LIPA: variants seen among roughly 807,000 people sequenced by gnomAD.
The protein encoded by LIPA is lysosomal acid lipase/cholesteryl ester hydrolase.
A neutral mutation model predicts 40.6 loss-of-function variants in LIPA; 26 were observed. The ratio of observed to expected loss-of-function variants is 0.64; its 90% CI spans 0.47 to 0.89. LIPA has a LOEUF of 0.89. LIPA is among the 40% of genes least tolerant of loss of function. The pLI is 0.00. For missense variants in LIPA, 455 were observed against 479.6 expected, an observed-to-expected ratio of 0.95 and a Z score of 0.48; for synonymous variants, 188 against 168.4, an observed-to-expected ratio of 1.12 and a Z score of -0.90.
chr10:89,321,770 G>A (rs919827101), intron 1 of LIPA, among the ~76,000 whole-genome samples: 19 of 152,104 alleles, frequency 1.2e-4, no homozygotes, highest in Admixed American at 1.2e-3. Flanking sequence ...ACATGTACAC[G>A]TATGTTTATT....
intron 1 of LIPA, among the ~76,000 whole-genome samples, chr10:89,413,551 G>T (rs1019918320): frequency 2.6e-5 from 4 of 152,096 alleles, no homozygotes; most frequent in African/African-American, 9.7e-5. Flanking sequence ...AAAAATATTT[G>T]TGCCCAGGTG....
At chr10:89,318,543 G>C (rs1223718239) in intron 1 of LIPA, among the ~76,000 whole-genome samples, 3 of 152,112 alleles carry the variant, frequency 2.0e-5, no homozygotes, top group Non-Finnish European at 1.5e-5. Context: ...CCCAACACAG[G>C]AGCACCCAGG....
chr10:89,278,025 A>C (rs1171605823), intron 1 of LIPA: 1 of 152,036 alleles, frequency 6.6e-6, no homozygotes, highest in African/African-American at 2.4e-5. Context: ...CCCTCATACA[A>C]TCCTGCCTTT....
chr10:89,332,633 T>C (rs1843667166), intron 1 of LIPA: 1 of 1,613,818 alleles, frequency 6.2e-7, no homozygotes, highest in Non-Finnish European at 8.5e-7. Context: ...ATGAGGTAAA[T>C]AGTCCCTGCT....
intron 1 of LIPA, among the ~76,000 whole-genome samples, chr10:89,314,931 C>A (rs1843534332): frequency 6.6e-6 from 1 of 152,212 alleles, no homozygotes; most frequent in Non-Finnish European, 1.5e-5. Flanking sequence ...TTGCTACAAT[C>A]CTCTCTGAAC....
At chr10:89,240,433 G>A (rs1248984356) in intron 3 of LIPA, among the ~76,000 whole-genome samples, 1 of 152,138 alleles carries the variant, frequency 6.6e-6, no homozygotes, top group African/African-American at 2.4e-5. Context: ...GACACGGTGA[G>A]ACTTTTAAAA....
intron 2 of LIPA, among the ~76,000 whole-genome samples, chr10:89,380,985 C>A (rs1317448619): frequency 1.3e-5 from 2 of 152,146 alleles, no homozygotes. Context: ...GTAAATTGTG[C>A]ACTTGAAATT....
At chr10:89,381,151 T>A (rs915493011) in intron 2 of LIPA, among the ~76,000 whole-genome samples, 1 of 152,166 alleles carries the variant, frequency 6.6e-6, no homozygotes, top group African/African-American at 2.4e-5. Flanking sequence ...GGGTACATAT[T>A]TAGAAAGCTT....
chr10:89,243,688 G>A (rs1361520206), intron 3 of LIPA, among the ~76,000 whole-genome samples: 2 of 152,058 alleles, frequency 1.3e-5, no homozygotes, highest in Non-Finnish European at 2.9e-5. Context: ...TTACCTGGGA[G>A]CATATCAAGA....
At chr10:89,322,264 A>G (rs1214809874) in intron 1 of LIPA, among the ~76,000 whole-genome samples, 1 of 152,142 alleles carries the variant, frequency 6.6e-6, no homozygotes, top group East Asian at 1.9e-4. Context: ...GGTAAACTAG[A>G]AGCAACTCAT....
intron 2 of LIPA, chr10:89,405,951 T>G (rs1016019527): frequency 6.6e-6 from 1 of 152,218 alleles, no homozygotes; most frequent in Non-Finnish European, 1.5e-5. Context: ...AATTTTGGGC[T>G]TCCAATCCAT....
chr10:89,309,968 T>C (rs1280170829), intron 1 of LIPA, among the ~76,000 whole-genome samples: 1 of 152,232 alleles, frequency 6.6e-6, no homozygotes, highest in Non-Finnish European at 1.5e-5. Context: ...AACCCGTTTA[T>C]CAGAGTTATC....
At chr10:89,297,996 G>C (rs1045709636) in intron 1 of LIPA, among the ~76,000 whole-genome samples, 2 of 152,222 alleles carry the variant, frequency 1.3e-5, no homozygotes, top group African/African-American at 4.8e-5. Context: ...GAGAATGAAA[G>C]AGCCTGAGAG....
At chr10:89,390,135 T>C (rs1199298238) in intron 2 of LIPA, among the ~76,000 whole-genome samples, 1 of 151,922 alleles carries the variant, frequency 6.6e-6, no homozygotes, top group Non-Finnish European at 1.5e-5. Flanking sequence ...TACAGGCATG[T>C]GCCACCACGC....
chr10:89,365,990 A>C (rs535513880), intron 2 of LIPA, among the ~76,000 whole-genome samples: 1 of 152,312 alleles, frequency 6.6e-6, no homozygotes, highest in South Asian at 2.1e-4. Context: ...CTGTGAAGAA[A>C]GTCATTGGTA....
At chr10:89,382,021 C>T (rs894024829) in intron 2 of LIPA, among the ~76,000 whole-genome samples, 5 of 152,094 alleles carry the variant, frequency 3.3e-5, no homozygotes, top group African/African-American at 7.2e-5. Flanking sequence ...CTGCCTACCT[C>T]GGCCTCCCAA....
chr10:89,266,640 ACT>A (rs1390530471), intron 1 of LIPA, among the ~76,000 whole-genome samples: 1 of 152,204 alleles, frequency 6.6e-6, no homozygotes. Flanking sequence ...CTCAATCTGT[ACT>A]TTGTGTTATC....
intron 6 of LIPA, among the ~76,000 whole-genome samples, chr10:89,224,801 T>A (rs1181623921): frequency 6.6e-6 from 1 of 152,174 alleles, no homozygotes; most frequent in Admixed American, 6.5e-5. Context: ...ACTCCACAAA[T>A]GCTTAAATTA....
intron 1 of LIPA, among the ~76,000 whole-genome samples, chr10:89,294,449 G>A (rs556899011): frequency 2.0e-5 from 3 of 152,318 alleles, no homozygotes; most frequent in South Asian, 2.1e-4. Context: ...TAGGGGGTGA[G>A]GGTGAGCAAG....
Sources: gnomAD v4.1 joint callset for allele counts (sites outside exome capture counted in the v4.1 genomes callset) on GRCh38, gnomAD v4.1.1 for gene constraint, MANE v1.5 for transcripts, NCBI Gene and HGNC (gene_info 2026-07-23, HGNC 2026-07-21) for gene names.